The following CDKAL1 variants were observed in gnomAD, a reference collection of about 807,000 sequenced individuals.
CDKAL1 encodes the protein CDKAL1 threonylcarbamoyladenosine tRNA methylthiotransferase.
In CDKAL1, 32 loss-of-function variants were observed where a neutral mutation model predicts 68.2. The ratio of observed to expected loss-of-function variants is 0.47; its 90% CI spans 0.35 to 0.63. The LOEUF is 0.63. CDKAL1 is among the 30% of genes least tolerant of loss of function. The pLI, the probability that CDKAL1 is intolerant of heterozygous loss-of-function variation, is 0.00. For synonymous variants in CDKAL1, 234 were observed against 244.3 expected, an observed-to-expected ratio of 0.96 and a Z score of 0.39; for missense variants, 606 against 696.7, an observed-to-expected ratio of 0.87 and a Z score of 1.47.
intron 9 of CDKAL1, among the ~76,000 whole-genome samples, chr6:20,942,216 A>C (rs1764002951): frequency 6.6e-6 from 1 of 152,160 alleles, no homozygotes. Context: ...CTACGTTCAA[A>C]TAATATTTTA....
At chr6:20,804,617 A>G (rs568919665) in intron 8 of CDKAL1, among the ~76,000 whole-genome samples, 3 of 152,168 alleles carry the variant, frequency 2.0e-5, no homozygotes, top group Admixed American at 1.3e-4. Flanking sequence ...TCATTTTAAA[A>G]TTGTTTTTGA....
At chr6:20,536,812 A>G (rs1338057836) in intron 2 of CDKAL1, among the ~76,000 whole-genome samples, 1 of 152,236 alleles carries the variant, frequency 6.6e-6, no homozygotes, top group Non-Finnish European at 1.5e-5. Context: ...GTTTTTACAA[A>G]AAAACTGAAA....
intron 10 of CDKAL1, among the ~76,000 whole-genome samples, chr6:20,985,284 T>G (rs1276856499): frequency 6.6e-6 from 1 of 152,148 alleles, no homozygotes; most frequent in Non-Finnish European, 1.5e-5. Flanking sequence ...TCCATGGTTT[T>G]TTTGTTTGTT....
At chr6:21,177,319 G>C (rs940357858) in intron 13 of CDKAL1, among the ~76,000 whole-genome samples, 1 of 152,026 alleles carries the variant, frequency 6.6e-6, no homozygotes, top group Non-Finnish European at 1.5e-5. Flanking sequence ...TAGATATCAT[G>C]ATAATTATTG....
intron 8 of CDKAL1, among the ~76,000 whole-genome samples, chr6:20,802,205 G>A (rs1363476108): frequency 6.6e-6 from 1 of 151,886 alleles, no homozygotes; most frequent in Non-Finnish European, 1.5e-5. Flanking sequence ...GGCTGAGGCA[G>A]GAGAATCATG....
intron 9 of CDKAL1, among the ~76,000 whole-genome samples, chr6:20,894,926 CT>C (rs536206373): frequency 1.2e-3 from 190 of 152,062 alleles, no homozygotes; most frequent in Non-Finnish European, 2.2e-3. Flanking sequence ...GTCATGTGCT[CT>C]TCAGATTCTT....
chr6:21,098,300 C>T (rs1049862993), intron 12 of CDKAL1, among the ~76,000 whole-genome samples: 2 of 152,074 alleles, frequency 1.3e-5, no homozygotes, highest in African/African-American at 4.8e-5. Flanking sequence ...GGCCTAAGTC[C>T]CCAGGTGCTC....
Position 21,000,216 on chromosome 6 carries a change from AT to A in CDKAL1, c.910-4del. 2 of 1,606,900 alleles carry A rather than the reference AT, an allele frequency of 1.2e-6. No homozygotes were observed. Among genetic ancestry groups the A allele is most frequent in the Non-Finnish European group, 1.7e-6 (2 of 1,176,104 alleles). On this transcript the variant is annotated splice_polypyrimidine_tract_variant and intron_variant, in intron 10 of 15. Transcript: ENST00000274695. ...AAAATGATTAGTGTTTTCTCCTTCC[AT>A]TTTTTTAAGGAAATGGCAAAAATCC... is the stretch of plus-strand genomic sequence containing the variant.
At chr6:21,083,107 C>G (rs894149642) in intron 12 of CDKAL1, among the ~76,000 whole-genome samples, 1 of 152,056 alleles carries the variant, frequency 6.6e-6, no homozygotes, top group African/African-American at 2.4e-5. Flanking sequence ...CTCAAGTGAT[C>G]CACTTGCTTC....
intron 4 of CDKAL1, among the ~76,000 whole-genome samples, chr6:20,621,964 C>T (rs887366621): frequency 3.3e-5 from 5 of 151,948 alleles, no homozygotes; most frequent in Admixed American, 2.6e-4. Flanking sequence ...TAAACTCTCC[C>T]AGTGTCAGGG....
At chr6:20,561,446 G>GAAAAAAAAAAAAAAAAAAAAAAAAAAAA (rs55750789) in intron 4 of CDKAL1, among the ~76,000 whole-genome samples, 1 of 79,652 alleles carries the variant, frequency 1.3e-5, no homozygotes, top group Non-Finnish European at 2.3e-5. Flanking sequence ...TCTCAAAAAA[G>GAAAAAAAAAAAAAAAAAAAAAAAAAAAA]AAAAAAAAAA....
intron 4 of CDKAL1, among the ~76,000 whole-genome samples, chr6:20,627,766 C>A (rs1767496396): frequency 6.6e-6 from 1 of 152,138 alleles, no homozygotes; most frequent in African/African-American, 2.4e-5. Flanking sequence ...TTTTTCAACA[C>A]AATTTTATAA....
chr6:20,600,791 C>CATATATATATATATATATATATATAT (rs1336889610), intron 4 of CDKAL1, among the ~76,000 whole-genome samples: 1 of 77,242 alleles, frequency 1.3e-5, no homozygotes, highest in Non-Finnish European at 2.9e-5. Context: ...TATATATACA[C>CATATATATATATATATATATATATAT]ACACACACAT....
At chr6:20,715,287 A>C (rs1218824701) in intron 5 of CDKAL1, among the ~76,000 whole-genome samples, 1 of 152,172 alleles carries the variant, frequency 6.6e-6, no homozygotes, top group African/African-American at 2.4e-5. Flanking sequence ...TTTTTAAAAA[A>C]GATTCCAGAT....
rs1774658521 is a variant in CDKAL1 at position 20,765,455 on chromosome 6, C to CAAAGGTAAT, written c.517+6812_517+6813insAAAGGTAAT. Among the ~76,000 whole-genome samples the CAAAGGTAAT allele has an allele frequency of 6.6e-5, 2 of 30,126 alleles. 1 individual carries two copies. Among genetic ancestry groups the CAAAGGTAAT allele is most frequent in the Admixed American group, 6.7e-4 (2 of 2,968 alleles). The allele number at this position is 30,126 out of a possible 152,430, so 19.8% of individuals were successfully genotyped here. On this transcript the variant is annotated intron_variant, in intron 7 of 15. Transcript: ENST00000274695. Reference sequence around the variant, plus strand: ...ACAGGCGTGAGCCACCGCGCCCGGCCGGTTACATTCTTAAATGCACTCAGT... The same window carrying CAAAGGTAAT: ...ACAGGCGTGAGCCACCGCGCCCGGCCAAAGGTAATGGTTACATTCTTAAATGCACTCAGT...
chr6:21,160,656 C>CTGTGT, intron 13 of CDKAL1, among the ~76,000 whole-genome samples: 1 of 127,988 alleles, frequency 7.8e-6, no homozygotes, highest in Non-Finnish European at 1.7e-5. Flanking sequence ...CACACACACA[C>CTGTGT]GTGTGTGTGT....
intron 5 of CDKAL1, among the ~76,000 whole-genome samples, chr6:20,737,857 T>C (rs1331421960): frequency 1.3e-5 from 2 of 152,216 alleles, no homozygotes; most frequent in African/African-American, 2.4e-5. Context: ...GCCGTTAAAA[T>C]AGTATTTTGT....
chr6:20,912,562 C>G (rs1762513825), intron 9 of CDKAL1, among the ~76,000 whole-genome samples: 1 of 152,126 alleles, frequency 6.6e-6, no homozygotes. Flanking sequence ...CTTGTAAAAG[C>G]CAGATAGCCC....
chr6:21,228,554 G>C (rs1057420604), intron 15 of CDKAL1, among the ~76,000 whole-genome samples: 2 of 152,204 alleles, frequency 1.3e-5, no homozygotes, highest in Non-Finnish European at 2.9e-5. Context: ...CAGAGACATA[G>C]ATGAGAATGT....
Sources: gnomAD v4.1 joint callset for allele counts (sites outside exome capture counted in the v4.1 genomes callset) on GRCh38, gnomAD v4.1.1 for gene constraint, MANE v1.5 for transcripts, NCBI Gene and HGNC (gene_info 2026-07-23, HGNC 2026-07-21) for gene names.